Variants in SNTG1 observed in about 807,000 individuals in gnomAD.
SNTG1 encodes the protein gamma-1-syntrophin.
In SNTG1, 39 loss-of-function variants were observed where a neutral mutation model predicts 74.7. The observed-to-expected ratio is 0.52, with a 90% CI of 0.40 to 0.68. The LOEUF (loss-of-function observed/expected upper bound fraction) is 0.68. Ranked by LOEUF, SNTG1 falls within the 30% of genes least tolerant of loss-of-function variation. SNTG1 has a pLI of 0.00. For missense variants in SNTG1, 685 were observed against 609.5 expected (o/e 1.12, Z -1.30); for synonymous variants, 254 against 217.1 (o/e 1.17, Z -1.49).
intron 4 of SNTG1, among the ~76,000 whole-genome samples, chr8:50,420,533 A>G (rs1222468367): frequency 6.6e-6 from 1 of 152,160 alleles, no homozygotes; most frequent in Non-Finnish European, 1.5e-5. Context: ...CTCAACAGAG[A>G]GGAAATGGTT....
At chr8:50,070,457 AT>A (rs375216478) in intron 1 of SNTG1, among the ~76,000 whole-genome samples, 11 of 152,016 alleles carry the variant, frequency 7.2e-5, no homozygotes, top group African/African-American at 1.9e-4. Flanking sequence ...ATTCAATCTG[AT>A]TTTTTTTCCT....
chr8:50,770,655 T>G (rs2095624728), intron 18 of SNTG1, among the ~76,000 whole-genome samples: 1 of 152,058 alleles, frequency 6.6e-6, no homozygotes, highest in South Asian at 2.1e-4. Flanking sequence ...CTGAAACTCA[T>G]GTTAAAATTT....
At chr8:50,518,711 TG>T (rs1429354612) in intron 9 of SNTG1, among the ~76,000 whole-genome samples, 1 of 152,176 alleles carries the variant, frequency 6.6e-6, no homozygotes, top group East Asian at 1.9e-4. Flanking sequence ...CTAGAAGAAA[TG>T]GGTAAATTCC....
chr8:50,136,273 G>A (rs1234478169), intron 1 of SNTG1, among the ~76,000 whole-genome samples: 1 of 152,096 alleles, frequency 6.6e-6, no homozygotes, highest in Non-Finnish European at 1.5e-5. Context: ...AATATGCCCA[G>A]TATTGGAATG....
intron 4 of SNTG1, among the ~76,000 whole-genome samples, chr8:50,411,362 G>A (rs111625885): frequency 0.018 from 2,792 of 151,572 alleles, 88 homozygotes; most frequent in African/African-American, 0.063. Flanking sequence ...GCAGGAGAAT[G>A]GCATGAACCT....
At chr8:50,704,192 G>T (rs1393703510) in intron 15 of SNTG1, among the ~76,000 whole-genome samples, 1 of 151,560 alleles carries the variant, frequency 6.6e-6, no homozygotes, top group Admixed American at 6.6e-5. Context: ...AGAATATTTT[G>T]GTTTGCTTAT....
At chr8:50,380,969 G>T (rs1316015924) in intron 2 of SNTG1, 1 of 152,070 alleles carries the variant, frequency 6.6e-6, no homozygotes, top group Non-Finnish European at 1.5e-5. Flanking sequence ...TTGTTTGTTA[G>T]GTCAGTGACG....
At chr8:50,661,686 T>C (rs2095224401) in intron 15 of SNTG1, among the ~76,000 whole-genome samples, 1 of 152,154 alleles carries the variant, frequency 6.6e-6, no homozygotes, top group South Asian at 2.1e-4. Context: ...TTTGTCCTAA[T>C]GATGTCTCTC....
chr8:50,409,242 T>A (rs1463300898), intron 4 of SNTG1, among the ~76,000 whole-genome samples: 3 of 152,196 alleles, frequency 2.0e-5, no homozygotes, highest in Non-Finnish European at 4.4e-5. Flanking sequence ...TTTAGAAACT[T>A]GTGTCAACAT....
Position 50,496,981 on chromosome 8 carries a change from G to GAAAA in SNTG1, c.364-5790_364-5787dup, listed in dbSNP as rs34727478. Among the ~76,000 whole-genome samples, 36 of 147,334 alleles carry GAAAA rather than the reference G, an allele frequency of 2.4e-4. 1 individual carries two copies. In the South Asian group the frequency reaches 6.8e-3, roughly 28 times the overall value. ...GCATTTAAAGCATAGAAGAAAAATT[G>GAAAA]AAAAAAAAAACACTATCTCAATCCT... On this transcript the variant is annotated intron_variant, in intron 8 of 18. Coordinates refer to ENST00000642720, the MANE Select transcript of SNTG1 (RefSeq NM_018967.5).
intron 4 of SNTG1, among the ~76,000 whole-genome samples, chr8:50,419,607 A>G (rs541812805): frequency 9.2e-5 from 14 of 152,238 alleles, no homozygotes; most frequent in Admixed American, 1.3e-4. Flanking sequence ...CCTCCCCTCA[A>G]CAAGGGTTGT....
chr8:49,994,760 A>G (rs1434314593), intron 1 of SNTG1, among the ~76,000 whole-genome samples: 2 of 152,032 alleles, frequency 1.3e-5, no homozygotes, highest in African/African-American at 2.4e-5. Context: ...AAAGATGACA[A>G]TGTTTTATGG....
intron 1 of SNTG1, among the ~76,000 whole-genome samples, chr8:50,164,782 A>G (rs746592237): frequency 5.3e-5 from 8 of 152,174 alleles, no homozygotes; most frequent in Admixed American, 1.3e-4. Flanking sequence ...TGGAAAAAAT[A>G]TTATCTCCAA....
At chr8:50,395,806 C>T (rs1363761055) in intron 3 of SNTG1, among the ~76,000 whole-genome samples, 1 of 152,094 alleles carries the variant, frequency 6.6e-6, no homozygotes, top group Non-Finnish European at 1.5e-5. Context: ...CCACTGTGCC[C>T]GGCCCATTTC....
intron 1 of SNTG1, chr8:50,164,092 CTTTTTTTTTTTTTT>C (rs3086088): frequency 1.4e-5 from 1 of 71,984 alleles, no homozygotes; most frequent in Non-Finnish European, 2.7e-5. Context: ...GACACAATTT[CTTTTTTTTTTTTTT>C]TTTTTTTTTT....
At chr8:49,914,629 C>T (rs1362004326) in intron 1 of SNTG1, among the ~76,000 whole-genome samples, 8 of 152,058 alleles carry the variant, frequency 5.3e-5, no homozygotes, top group African/African-American at 1.2e-4. Flanking sequence ...ACCATGAAAT[C>T]GTATTGGATT....
chr8:50,332,827 A>G (rs1334762308), intron 2 of SNTG1, among the ~76,000 whole-genome samples: 1 of 152,176 alleles, frequency 6.6e-6, no homozygotes, highest in East Asian at 1.9e-4. Flanking sequence ...AATGATTACA[A>G]TGTCACCAGG....
intron 8 of SNTG1, among the ~76,000 whole-genome samples, chr8:50,474,321 A>G (rs1263351963): frequency 6.6e-6 from 1 of 151,768 alleles, no homozygotes; most frequent in Non-Finnish European, 1.5e-5. Context: ...TTCTCAACCT[A>G]CTCATCTGAC....
At chr8:50,537,666 T>C (rs2094317598) in intron 11 of SNTG1, among the ~76,000 whole-genome samples, 1 of 152,140 alleles carries the variant, frequency 6.6e-6, no homozygotes, top group African/African-American at 2.4e-5. Context: ...GTTTTTCAGC[T>C]TGAATTTTTG....
Sources: allele counts gnomAD v4.1 joint callset (sites outside exome capture counted in the v4.1 genomes callset), GRCh38; gene constraint gnomAD v4.1.1; transcripts MANE v1.5; gene names NCBI Gene and HGNC (gene_info 2026-07-23, HGNC 2026-07-21).